The following ITIH6 variants were observed in gnomAD, a reference collection of about 807,000 sequenced individuals.
ITIH6 encodes the protein inter-alpha-trypsin inhibitor heavy chain H6.
In ITIH6, 60 loss-of-function variants were observed where a neutral mutation model predicts 58.2. The ratio of observed to expected loss-of-function variants is 1.03; its 90% CI spans 0.84 to 1.28. The LOEUF (loss-of-function observed/expected upper bound fraction) is 1.28. Ranked by LOEUF, ITIH6 falls within the 50% of genes most tolerant of loss-of-function variation. ITIH6 has a pLI of 0.00. For synonymous variants in ITIH6, 493 were observed against 417.4 expected (o/e 1.18, Z -2.21); for missense variants, 1,290 against 1,021.1 (o/e 1.26, Z -3.59).
Position 54,751,178 on chromosome X carries a change from G to C in ITIH6, c.3555C>G (p.Pro1185=), listed in dbSNP as rs752161857. The C allele has an allele frequency of 8.3e-7, 1 of 1,209,993 alleles. No homozygotes were observed. Among genetic ancestry groups the C allele is most frequent in the Non-Finnish European group, 1.1e-6 (1 of 895,035 alleles). Residue 1185 remains proline, a synonymous_variant, in exon 12 of 13, where the codon CCC becomes CCG. Coordinates refer to ENST00000218436, the MANE Select transcript of ITIH6 (RefSeq NM_198510.3). The stretch of plus-strand genomic sequence containing the variant: ...CAGCAGCCACATAGAGCTCCAGCTG[G>C]GGCCTCTTCAGCAGGGCAGGTTGGT... ...SWDQPALLKR[P]QLELYVAAAA...
intron 2 of ITIH6, among the ~76,000 whole-genome samples, chrX:54,796,037 A>G (rs1182995162): frequency 1.8e-5 from 2 of 109,876 alleles, no homozygotes; most frequent in Non-Finnish European, 3.8e-5. Context: ...GCTAATTTTT[A>G]TTTTTTTTCT....
At chrX:54,786,624 A>G (rs1929247503) in intron 5 of ITIH6, among the ~76,000 whole-genome samples, 1 of 111,077 alleles carries the variant, frequency 9.0e-6, no homozygotes, top group African/African-American at 3.3e-5. Flanking sequence ...TCCCTCCCAC[A>G]GGCCCCCTCC....
chrX:54,793,368 A>G (rs1446410592), intron 2 of ITIH6, among the ~76,000 whole-genome samples: 2 of 111,464 alleles, frequency 1.8e-5, no homozygotes, highest in African/African-American at 6.5e-5. Context: ...TGTTCCATAG[A>G]CACCTCAAGC....
At chrX:54,750,654 C>A (rs1046297413) in intron 12 of ITIH6, among the ~76,000 whole-genome samples, 12 of 111,855 alleles carry the variant, frequency 1.1e-4, no homozygotes, top group Non-Finnish European at 2.1e-4. Flanking sequence ...CCACTCAACT[C>A]TATTTCCTCC....
At chrX:54,778,451 T>A (rs1418798281) in intron 5 of ITIH6, among the ~76,000 whole-genome samples, 2 of 111,615 alleles carry the variant, frequency 1.8e-5, no homozygotes, top group Non-Finnish European at 3.8e-5. Flanking sequence ...CGTCTCAGCA[T>A]CCCAAAGTGC....
Position 54,769,638 on chromosome X carries a change from G to A in ITIH6, c.903+4443C>T, listed in dbSNP as rs1332306139. Among the ~76,000 whole-genome samples, 336 of 101,609 alleles carry A rather than the reference G, an allele frequency of 3.3e-3. 5 individuals are homozygous for A. Among genetic ancestry groups the A allele is most frequent in the African/African-American group, 0.012 (307 of 26,528 alleles). The allele number at this position is 101,609 out of a possible 115,157, so 88.2% of individuals were successfully genotyped here. A position where few individuals can be genotyped will look rare whatever the true frequency, so the allele number is the denominator to read the frequency against. On this transcript the variant is annotated intron_variant, in intron 6 of 12. Transcript: ENST00000218436. The stretch of plus-strand genomic sequence containing the variant: ...TGCAGGTCTGTTGGAATGCCCTGCC[G>A]TGTGAGGTGTCAGTGTGCCCCTGCT...
intron 2 of ITIH6, among the ~76,000 whole-genome samples, chrX:54,796,653 C>A (rs1374745751): frequency 9.9e-6 from 1 of 101,333 alleles, no homozygotes; most frequent in Non-Finnish European, 2.0e-5. Context: ...CACTGCACTC[C>A]AGCCTGGGCA....
chrX:54,783,491 G>T (rs762838296), intron 5 of ITIH6, among the ~76,000 whole-genome samples: 36 of 112,279 alleles, frequency 3.2e-4, no homozygotes, highest in Middle Eastern at 9.2e-3. Flanking sequence ...CAGGAAAGTT[G>T]CAGGATACAA....
rs776464029 is a variant in ITIH6, at chrX:54,757,533, G to T, written c.2541C>A (p.Ser847=). ...MPHLGPGILL[S]KTPKILLSLK... The stretch of plus-strand genomic sequence containing the variant: ...GAGATAATAAGATTTTAGGGGTCTT[G>T]GACAAGAGGATTCCAGGCCCCAGGT... The change falls in exon 8 of 13, where the codon TCC becomes TCA. Residue 847 remains serine (S), a synonymous_variant. Coordinates refer to ENST00000218436, the MANE Select transcript of ITIH6 (RefSeq NM_198510.3). 8.3e-7 allele frequency: 1 copy of T among 1,210,782 alleles called. No individual in the cohort carries two copies. Among genetic ancestry groups the T allele is most frequent in the Non-Finnish European group, 1.1e-6 (1 of 894,988 alleles).
intron 2 of ITIH6, among the ~76,000 whole-genome samples, chrX:54,794,656 T>C (rs185577343): frequency 3.6e-5 from 4 of 111,407 alleles, no homozygotes; most frequent in Non-Finnish European, 5.7e-5. Context: ...AGGAGGTTCT[T>C]GATGGCACAG....
At chrX:54,751,959 T>C (rs902006814) in intron 11 of ITIH6, among the ~76,000 whole-genome samples, 5 of 111,583 alleles carry the variant, frequency 4.5e-5, no homozygotes, top group East Asian at 2.8e-4. Context: ...ATGTGTTGAA[T>C]ACCTGGAAAT....
At chrX:54,781,012 A>G (rs188323711) in intron 5 of ITIH6, among the ~76,000 whole-genome samples, 64 of 111,805 alleles carry the variant, frequency 5.7e-4, no homozygotes, top group Non-Finnish European at 7.7e-4. Context: ...TATTCAGTAA[A>G]TGGTGGTGGG....
chrX:54,755,422 G>T (rs73212560), intron 8 of ITIH6, among the ~76,000 whole-genome samples: 1,646 of 112,064 alleles, frequency 0.015, 16 homozygotes, highest in Non-Finnish European at 0.024. Flanking sequence ...AGTTTAGTAG[G>T]GGGTGGCAGA....
intron 6 of ITIH6, among the ~76,000 whole-genome samples, chrX:54,769,959 C>T (rs1229255319): frequency 2.6e-3 from 279 of 109,148 alleles, no homozygotes; most frequent in African/African-American, 9.1e-3. Context: ...TGGGCAATGG[C>T]GGGCGCCCCT....
At chrX:54,754,268 C>T (rs190964095) in intron 9 of ITIH6, among the ~76,000 whole-genome samples, 121 of 111,804 alleles carry the variant, frequency 1.1e-3, no homozygotes, top group African/African-American at 3.7e-3. Context: ...AGCCCAAATG[C>T]TCTTTTCTCT....
chrX:54,798,077 C>T, intron 1 of ITIH6, 32 bp downstream of exon 1: 1 of 1,012,510 alleles, frequency 9.9e-7, no homozygotes, highest in Non-Finnish European at 1.4e-6. Flanking sequence ...ATCACAAATC[C>T]CCAAGCTTTT....
intron 5 of ITIH6, among the ~76,000 whole-genome samples, chrX:54,777,892 C>G (rs1447218321): frequency 1.8e-5 from 2 of 111,957 alleles, no homozygotes; most frequent in African/African-American, 6.5e-5. Context: ...CTTCAATGTC[C>G]AGACACAGAA....
At chrX:54,789,622 T>G (rs1466111033) in intron 4 of ITIH6, among the ~76,000 whole-genome samples, 1 of 112,663 alleles carries the variant, frequency 8.9e-6, no homozygotes, top group Non-Finnish European at 1.9e-5. Context: ...AGGTTCCAGC[T>G]GCTGCTGTGT....
At chrX:54,769,948 C>T (rs1928908453) in intron 6 of ITIH6, among the ~76,000 whole-genome samples, 1 of 108,586 alleles carries the variant, frequency 9.2e-6, no homozygotes, top group Admixed American at 9.8e-5. Context: ...CTAAGCAAGC[C>T]TGGGCAATGG....
Sources: gnomAD v4.1 joint callset for allele counts (sites outside exome capture counted in the v4.1 genomes callset) on GRCh38, gnomAD v4.1.1 for gene constraint, MANE v1.5 for transcripts, NCBI Gene and HGNC (gene_info 2026-07-23, HGNC 2026-07-21) for gene names.